Variants in TENM2 observed in about 807,000 individuals in gnomAD.
TENM2 encodes the protein teneurin-2.
In TENM2, 52 loss-of-function variants were observed where a neutral mutation model predicts 245.2. The ratio of observed to expected loss-of-function variants is 0.21; its 90% confidence interval spans 0.17 to 0.27. The LOEUF (loss-of-function observed/expected upper bound fraction) is 0.27, where lower values mean the gene tolerates loss of function less well. TENM2 is among the 10% of genes least tolerant of loss of function. TENM2 has a pLI of 1.00. For synonymous variants in TENM2, 1,363 were observed against 1,438.9 expected, an observed-to-expected ratio of 0.95 and a Z score of 1.19; for missense variants, 3,046 against 3,666.8, an observed-to-expected ratio of 0.83 and a Z score of 4.37.
chr5:167,804,858 T>C (rs1393637085), intron 2 of TENM2, among the ~76,000 whole-genome samples: 1 of 152,174 alleles, frequency 6.6e-6, no homozygotes, highest in African/African-American at 2.4e-5. Context: ...TAACATCATA[T>C]TTAACAGCTA....
chr5:167,580,250 C>T (rs59381916), intron 2 of TENM2, among the ~76,000 whole-genome samples: 1,795 of 152,266 alleles, frequency 0.012, 25 homozygotes, highest in African/African-American at 0.027. Context: ...CAGGAAAATC[C>T]GAACTAGCGA....
At chr5:167,187,820 A>G in the TENM2 span, among the ~76,000 whole-genome samples, 9 of 152,040 alleles carry the variant, frequency 5.9e-5, no homozygotes, top group African/African-American at 2.2e-4. Flanking sequence ...TCCCATTATA[A>G]AGAGGGAAAA....
rs565809203 is a variant in TENM2, at chr5:167,714,870, C to T, written c.503-161116C>T. Among the ~76,000 whole-genome samples the T allele has an allele frequency of 7.9e-5, 12 of 152,220 alleles. No homozygotes were observed. In the South Asian group the frequency reaches 1.5e-3, roughly 18 times the overall value. On this transcript the variant is annotated intron_variant, in intron 2 of 28. Coordinates refer to ENST00000518659, the Ensembl canonical transcript of TENM2. ...CCCCAGGATTGGTGGGGCCTGGAAA[C>T]GCATCATAGGTGAGGAAATGGCTTC...
intron 1 of TENM2, among the ~76,000 whole-genome samples, chr5:167,340,086 C>G (rs112814845): frequency 6.6e-6 from 1 of 152,300 alleles, no homozygotes; most frequent in Non-Finnish European, 1.5e-5. Context: ...CTTGTAAGTT[C>G]TACCTTCCAC....
the TENM2 span, among the ~76,000 whole-genome samples, chr5:167,131,605 C>A: frequency 6.6e-6 from 1 of 152,044 alleles, no homozygotes; most frequent in Non-Finnish European, 1.5e-5. Flanking sequence ...TAGCATCCAT[C>A]AATAGCATTT....
chr5:167,927,277 T>G (rs938786317), intron 3 of TENM2, among the ~76,000 whole-genome samples: 1 of 152,240 alleles, frequency 6.6e-6, no homozygotes, highest in Non-Finnish European at 1.5e-5. Flanking sequence ...TTTCTACTTC[T>G]TCCCAATGTT....
chr5:168,048,286 C>T (rs1788786260), intron 6 of TENM2, among the ~76,000 whole-genome samples: 1 of 152,122 alleles, frequency 6.6e-6, no homozygotes, highest in African/African-American at 2.4e-5. Context: ...AATGGTTAGC[C>T]AGGCTGGCAC....
intron 2 of TENM2, among the ~76,000 whole-genome samples, chr5:167,875,442 G>C (rs1006878037): frequency 4.6e-5 from 7 of 152,154 alleles, no homozygotes; most frequent in Non-Finnish European, 1.0e-4. Context: ...AGGCAGCTAT[G>C]GGCTGGAGTA....
the TENM2 span, among the ~76,000 whole-genome samples, chr5:167,138,724 G>C: frequency 6.6e-6 from 1 of 152,192 alleles, no homozygotes; most frequent in East Asian, 1.9e-4. Context: ...CTGGGTTCAA[G>C]CGATTCTCTT....
chr5:168,160,153 G>A (rs1757619032), intron 12 of TENM2, among the ~76,000 whole-genome samples: 1 of 152,200 alleles, frequency 6.6e-6, no homozygotes, highest in African/African-American at 2.4e-5. Context: ...AGTAGAAATT[G>A]TTAAAGCTGA....
chr5:167,580,416 G>T (rs1012582592), intron 2 of TENM2, among the ~76,000 whole-genome samples: 1 of 152,066 alleles, frequency 6.6e-6, no homozygotes, highest in Non-Finnish European at 1.5e-5. Flanking sequence ...AGCATATATG[G>T]GTTTCCTACC....
At chr5:167,157,484 T>C in the TENM2 span, among the ~76,000 whole-genome samples, 1 of 152,154 alleles carries the variant, frequency 6.6e-6, no homozygotes, top group Admixed American at 6.5e-5. Context: ...TAACCAAAGA[T>C]GAGATGATAA....
intron 2 of TENM2, among the ~76,000 whole-genome samples, chr5:167,491,311 G>T (rs1768415051): frequency 6.6e-6 from 1 of 152,102 alleles, no homozygotes; most frequent in Non-Finnish European, 1.5e-5. Flanking sequence ...AATTACCTGT[G>T]AAATAAATAG....
chr5:168,126,375 A>G (rs189875519), intron 11 of TENM2, among the ~76,000 whole-genome samples: 38 of 152,228 alleles, frequency 2.5e-4, no homozygotes, highest in African/African-American at 7.7e-4. Flanking sequence ...AGTGGTCTCA[A>G]TCTCTAGAAG....
intron 2 of TENM2, among the ~76,000 whole-genome samples, chr5:167,594,802 G>A (rs1400365374): frequency 5.3e-5 from 8 of 152,150 alleles, no homozygotes; most frequent in Admixed American, 1.3e-4. Context: ...TATCCCAGAT[G>A]ACTAAGAGGA....
At chr5:167,950,260 A>G (rs961198880) in intron 3 of TENM2, among the ~76,000 whole-genome samples, 3 of 152,206 alleles carry the variant, frequency 2.0e-5, no homozygotes, top group African/African-American at 7.2e-5. Flanking sequence ...GGATATTGTC[A>G]GCACACAAGC....
intron 2 of TENM2, among the ~76,000 whole-genome samples, chr5:167,807,749 G>A (rs1380178052): frequency 6.6e-6 from 1 of 151,944 alleles, no homozygotes; most frequent in Non-Finnish European, 1.5e-5. Flanking sequence ...TTCCCACCAA[G>A]AATGAATTTG....
Position 168,244,457 on chromosome 5 carries a change from G to A in TENM2, c.5558G>A (p.Arg1853Gln), listed in dbSNP as rs745482697. Reference sequence around the variant, plus strand: ...AATCTCTTGTCCATTGACTATGATCGAAATATTCGGACTGAAAAGATCTAT... The same window carrying A: ...AATCTCTTGTCCATTGACTATGATCAAAATATTCGGACTGAAAAGATCTAT... Residue 1853 changes from arginine to glutamine, a missense_variant, in exon 26 of 29, where the codon CGA (arginine) becomes CAA (glutamine). Transcript: ENST00000518659. The surrounding 1 kb of genome is among the most constrained non-coding windows in gnomAD (Gnocchi z 4.9). 4.4e-6 allele frequency: 7 copies of A among 1,578,272 alleles called. No individual in the cohort carries two copies. The highest frequency in any genetic ancestry group is 2.7e-5 in the African/African-American group (2 of 74,022).
intron 1 of TENM2, among the ~76,000 whole-genome samples, chr5:167,341,709 T>C (rs112588863): frequency 0.014 from 2,146 of 151,748 alleles, 62 homozygotes; most frequent in African/African-American, 0.05. Context: ...ATATTTTATA[T>C]AGAATATATA....
Sources: gnomAD v4.1 joint callset for allele counts (sites outside exome capture counted in the v4.1 genomes callset) on GRCh38, gnomAD v4.1.1 for gene constraint, Gnocchi (gnomAD v3.1) non-coding constraint, MANE v1.5 for transcripts, NCBI Gene and HGNC (gene_info 2026-07-23, HGNC 2026-07-21) for gene names.